Variants in KANK1 observed in about 807,000 individuals in gnomAD.
KANK1 encodes KN motif and ankyrin repeat domain-containing protein 1.
KANK1 carries 109 observed loss-of-function variants against 106.2 expected under a neutral mutation model. That is an observed-to-expected ratio of 1.03 (90% confidence interval 0.88 to 1.20). The LOEUF (loss-of-function observed/expected upper bound fraction) is 1.20, where lower values mean the gene tolerates loss of function less well. KANK1 is among the 50% of genes most tolerant of loss of function. The pLI, the probability that KANK1 is intolerant of heterozygous loss-of-function variation, is 0.00. For missense variants in KANK1, 2,399 were observed against 1,710.7 expected, an observed-to-expected ratio of 1.40 and a Z score of -7.10; for synonymous variants, 873 against 652.2, an observed-to-expected ratio of 1.34 and a Z score of -5.16.
At chr9:606,191 CATAT>C (rs1563847488) in intron 1 of KANK1, among the ~76,000 whole-genome samples, 1 of 150,476 alleles carries the variant, frequency 6.6e-6, no homozygotes, top group African/African-American at 2.5e-5. Context: ...ACCACTCACA[CATAT>C]ATACGTACAT....
chr9:637,392 T>A (rs943613224), intron 1 of KANK1, among the ~76,000 whole-genome samples: 9 of 152,232 alleles, frequency 5.9e-5, no homozygotes, highest in Non-Finnish European at 5.9e-5. Flanking sequence ...TGGTTCAACA[T>A]TCATTTCATT....
intron 1 of KANK1, among the ~76,000 whole-genome samples, chr9:533,889 C>G (rs990117443): frequency 1.3e-5 from 2 of 152,176 alleles, no homozygotes; most frequent in African/African-American, 2.4e-5. Flanking sequence ...TTGTGAAAAG[C>G]AAAACAAAAC....
intron 1 of KANK1, among the ~76,000 whole-genome samples, chr9:668,208 G>A (rs936507401): frequency 3.9e-5 from 6 of 152,200 alleles, no homozygotes; most frequent in Admixed American, 2.0e-4. Context: ...TGAGTGAAGT[G>A]TGTTTTATAA....
intron 1 of KANK1, among the ~76,000 whole-genome samples, chr9:558,132 A>G (rs2134286132): frequency 6.6e-6 from 1 of 152,300 alleles, no homozygotes; most frequent in Middle Eastern, 3.4e-3. Flanking sequence ...GGCACCTTTG[A>G]AAAGGCTAGA....
chr9:580,622 A>G (rs1821834242), intron 1 of KANK1, among the ~76,000 whole-genome samples: 2 of 152,188 alleles, frequency 1.3e-5, no homozygotes, highest in African/African-American at 4.8e-5. Flanking sequence ...CTAGACACAG[A>G]GTGCTGATTG....
intron 1 of KANK1, among the ~76,000 whole-genome samples, chr9:538,026 A>C (rs1230433826): frequency 6.6e-6 from 1 of 151,972 alleles, no homozygotes; most frequent in African/African-American, 2.4e-5. Flanking sequence ...TCTCTTGTTA[A>C]GCTATTCATC....
At chr9:540,668 G>C (rs1444763108) in intron 1 of KANK1, 1 of 152,116 alleles carries the variant, frequency 6.6e-6, no homozygotes, top group African/African-American at 2.4e-5. Context: ...TTGTTGAGAG[G>C]TTTGTGATTT....
At chr9:504,969 G>A (rs969875399) in intron 1 of KANK1, among the ~76,000 whole-genome samples, 2 of 150,888 alleles carry the variant, frequency 1.3e-5, no homozygotes, top group African/African-American at 4.9e-5. Context: ...CTGGGGGGGG[G>A]TCCGAGAGGT....
At chr9:547,492 C>T (rs1412818415) in intron 1 of KANK1, among the ~76,000 whole-genome samples, 1 of 143,404 alleles carries the variant, frequency 7.0e-6, no homozygotes, top group Non-Finnish European at 1.6e-5. Context: ...GGGTTAAAAA[C>T]AGGAAGTGTC....
At position 545,475 on chromosome 9, in the gene KANK1, G is replaced by C. The variant is rs763606223; in HGVS notation, c.-84+40721G>C. Among the ~76,000 whole-genome samples the C allele has an allele frequency of 3.3e-5, 5 of 152,144 alleles. No individual in the cohort carries two copies. The South Asian group carries it at 6.2e-4, about 19-fold the overall frequency. On this transcript the variant is annotated intron_variant, in intron 1 of 11. Transcript: ENST00000382297. ...GTGATAAGATCACCTAGTTAGAGGT[G>C]GGGGAGCAGAAGAGGGCTTAGGGCA...
At chr9:695,264 G>T (rs1379059513) in intron 2 of KANK1, among the ~76,000 whole-genome samples, 1 of 152,184 alleles carries the variant, frequency 6.6e-6, no homozygotes, top group Non-Finnish European at 1.5e-5. Flanking sequence ...GAGGACTTCG[G>T]GAGAGCTGCA....
chr9:523,727 C>G (rs1233175242), intron 1 of KANK1, among the ~76,000 whole-genome samples: 1 of 151,692 alleles, frequency 6.6e-6, no homozygotes, highest in African/African-American at 2.4e-5. Context: ...GGTCCTTGCT[C>G]AGATGTCACC....
At chr9:529,829 C>T (rs750607452) in intron 1 of KANK1, among the ~76,000 whole-genome samples, 1 of 152,202 alleles carries the variant, frequency 6.6e-6, no homozygotes, top group Admixed American at 6.5e-5. Flanking sequence ...TGCATATGTG[C>T]ATTTGTACTT....
chr9:693,678 C>T (rs1031789347), intron 2 of KANK1: 1 of 985,358 alleles, frequency 1.0e-6, no homozygotes, highest in Non-Finnish European at 1.2e-6. Context: ...GCAACAGCTC[C>T]TGGGCTCTTT....
At chr9:507,493 G>A (rs540535837) in intron 1 of KANK1, among the ~76,000 whole-genome samples, 53 of 151,368 alleles carry the variant, frequency 3.5e-4, no homozygotes, top group Non-Finnish European at 6.9e-4. Flanking sequence ...AGGTTTAAGC[G>A]ATTCTCCTGC....
intron 1 of KANK1, among the ~76,000 whole-genome samples, chr9:670,129 T>C (rs1388402469): frequency 1.3e-5 from 2 of 152,158 alleles, no homozygotes; most frequent in Non-Finnish European, 2.9e-5. Flanking sequence ...GAATTGCTTT[T>C]CTTTGTTGTC....
chr9:683,494 C>T (rs1278364227), intron 2 of KANK1, among the ~76,000 whole-genome samples: 3 of 152,204 alleles, frequency 2.0e-5, no homozygotes, highest in Admixed American at 6.5e-5. Flanking sequence ...GCTGAGCTCA[C>T]ACAGCTAATG....
intron 1 of KANK1, among the ~76,000 whole-genome samples, chr9:544,152 C>G (rs996839806): frequency 4.6e-5 from 7 of 151,912 alleles, no homozygotes; most frequent in African/African-American, 1.5e-4. Flanking sequence ...TCCTGAGTAG[C>G]TGGGACCACA....
chr9:619,570 T>C (rs962178638), intron 1 of KANK1, among the ~76,000 whole-genome samples: 2 of 152,168 alleles, frequency 1.3e-5, no homozygotes, highest in African/African-American at 2.4e-5. Context: ...TGTATAATGA[T>C]AATAGCTCTT....
Sources: allele counts gnomAD v4.1 joint callset (sites outside exome capture counted in the v4.1 genomes callset), GRCh38; gene constraint gnomAD v4.1.1; transcripts MANE v1.5; gene names NCBI Gene and HGNC (gene_info 2026-07-23, HGNC 2026-07-21).